The following ZNF445 variants were observed in gnomAD, a reference collection of about 807,000 sequenced individuals.
ZNF445 encodes the protein zinc finger protein 168.
A neutral mutation model predicts 93.9 loss-of-function variants in ZNF445; 19 were observed. That is an observed-to-expected ratio of 0.20 (90% CI 0.14 to 0.30). ZNF445 has a LOEUF of 0.30. ZNF445 is among the 10% of genes least tolerant of loss of function. The pLI is 1.00. For missense variants in ZNF445, 1,058 were observed against 1,259.4 expected (o/e 0.84, Z 2.42); for synonymous variants, 449 against 446.3 (o/e 1.01, Z -0.08).
chr3:44,455,845 T>C, intron 2 of ZNF445, 149 bp from the exon 3 acceptor site: 1 of 312,318 alleles, frequency 3.2e-6, no homozygotes, highest in Non-Finnish European at 5.8e-6. Flanking sequence ...TGTCCCCTAT[T>C]GGAGTAAGCT....
At position 44,444,422 on chromosome 3, in the gene ZNF445, T is replaced by C. The variant is rs4610267; in HGVS notation, c.*2153A>G. The C allele has an allele frequency of 0.7, 106,868 of 152,008 alleles. 38,125 individuals carry two copies. Among genetic ancestry groups the C allele is most frequent in the East Asian group, 1 (5,166 of 5,170 alleles). 9.4% of individuals were successfully genotyped at this position (152,008 alleles called of 1,614,324 possible). A position where few individuals can be genotyped will look rare whatever the true frequency, so the allele number is the denominator to read the frequency against. ...CACTCTAACTTCACACATAAGGAAATTGATGCAGAGGTTCATTGACTTGCT... is the reference window on the plus strand; with the variant it reads ...CACTCTAACTTCACACATAAGGAAACTGATGCAGAGGTTCATTGACTTGCT... On this transcript the variant is annotated 3_prime_UTR_variant, in exon 8 of 8. Transcript: ENST00000396077.
intron 1 of ZNF445, among the ~76,000 whole-genome samples, chr3:44,473,117 T>C (rs187000040): frequency 5.3e-5 from 8 of 152,296 alleles, no homozygotes; most frequent in Admixed American, 5.2e-4. Flanking sequence ...ATAGAAGGTA[T>C]ATAAACTGAT....
At position 44,447,605 on chromosome 3, in the gene ZNF445, G is replaced by C. The variant is rs775405102; in HGVS notation, c.2066C>G (p.Thr689Ser). Reference protein sequence around the residue: ...KTFLCQQCGKTFTRKKTLVDH... With the variant: ...KTFLCQQCGKSFTRKKTLVDH... ...AACGAGAGTTTTCTTTCTAGTAAAAGTTTTCCCACACTGCTGACACAGAAA... is the reference window on the plus strand; with the variant it reads ...AACGAGAGTTTTCTTTCTAGTAAAACTTTTCCCACACTGCTGACACAGAAA... The change falls in exon 8 of 8, where the codon ACT becomes AGT. Residue 689 changes from threonine (T) to serine (S), a missense_variant. This residue lies in a region of ZNF445 where 387 missense variants were observed against 475.7 expected (regional missense o/e 0.81). Coordinates refer to ENST00000396077, the MANE Select transcript of ZNF445 (RefSeq NM_181489.6). The surrounding 1 kb of genome is among the most constrained non-coding windows in gnomAD (Gnocchi z 4.7). The C allele has an allele frequency of 3.1e-6, 5 of 1,614,130 alleles. No homozygotes were observed. In the Middle Eastern group the frequency reaches 4.9e-4, roughly 160 times the overall value.
At chr3:44,451,150 A>G (rs1240209714) in intron 4 of ZNF445, among the ~76,000 whole-genome samples, 164 bp downstream of exon 4, 1 of 152,058 alleles carries the variant, frequency 6.6e-6, no homozygotes, top group Non-Finnish European at 1.5e-5. Flanking sequence ...GTAATGGGGG[A>G]GGAGCAAGCC....
Position 44,440,315 on chromosome 3 carries a change from A to G in ZNF445, c.*6260T>C, listed in dbSNP as rs1559386881. On this transcript the variant is annotated 3_prime_UTR_variant, in exon 8 of 8. Coordinates refer to ENST00000396077, the MANE Select transcript of ZNF445 (RefSeq NM_181489.6). ...ACAAGTATTTACTCTCCTTTTCCTC[A>G]TCTAATAAAGTAGAATGAAAAACAT... The G allele has an allele frequency of 2.6e-5, 4 of 152,194 alleles. No individual in the cohort carries two copies. The highest frequency in any genetic ancestry group is 9.7e-5 in the African/African-American group (4 of 41,444). The allele number at this position is 152,194 out of a possible 1,614,324, so 9.4% of individuals were successfully genotyped here.
In ZNF445 at chr3:44,435,874, T is replaced by C. The variant is rs900577620; in HGVS notation, c.*10701A>G. ...TTACTCTGAGGAACCATGGTGGCAT[T>C]TTGAGTCTCCTGTAATTACTGCTAG... On this transcript the variant is annotated 3_prime_UTR_variant, in exon 8 of 8. Transcript: ENST00000396077. 4.6e-5 allele frequency: 7 copies of C among 152,150 alleles called. No homozygotes were observed. Among genetic ancestry groups the C allele is most frequent in the African/African-American group, 1.7e-4 (7 of 41,428 alleles). 9.4% of individuals were successfully genotyped at this position (152,150 alleles called of 1,614,324 possible). A position where few individuals can be genotyped will look rare whatever the true frequency, so the allele number is the denominator to read the frequency against.
chr3:44,433,322 C>G lies in ZNF445; in HGVS notation c.*13253G>C, dbSNP rs1164037054. The G allele has an allele frequency of 6.6e-6, 1 of 152,162 alleles. No individual in the cohort carries two copies. Among genetic ancestry groups the G allele is most frequent in the Non-Finnish European group, 1.5e-5 (1 of 68,066 alleles). 9.4% of individuals were successfully genotyped at this position (152,162 alleles called of 1,614,324 possible). On this transcript the variant is annotated 3_prime_UTR_variant, in exon 8 of 8. Transcript: ENST00000396077. ...AGAGACAGGGAGTTCAGACTGGTCT[C>G]GAACTCCCGTTCTCAGGTGATCTGC...
In ZNF445 at chr3:44,443,641, A is replaced by G. The variant is rs1697840132; in HGVS notation, c.*2934T>C. 6.6e-6 allele frequency: 1 copy of G among 152,160 alleles called. No homozygotes were observed. Among genetic ancestry groups the G allele is most frequent in the African/African-American group, 2.4e-5 (1 of 41,408 alleles). 9.4% of individuals were successfully genotyped at this position (152,160 alleles called of 1,614,324 possible). On this transcript the variant is annotated 3_prime_UTR_variant, in exon 8 of 8. Coordinates refer to ENST00000396077, the MANE Select transcript of ZNF445 (RefSeq NM_181489.6). ...CGTGGTGGCAGGCACTTGTAGTCCC[A>G]GCTACTGAGGAGGCTGAGGCAGGAG...
chr3:44,460,340 T>C (rs1698093910), intron 1 of ZNF445, among the ~76,000 whole-genome samples: 1 of 152,222 alleles, frequency 6.6e-6, no homozygotes, highest in Non-Finnish European at 1.5e-5. Context: ...TTAACAACCC[T>C]TTCCCAAAGC....
intron 3 of ZNF445, among the ~76,000 whole-genome samples, chr3:44,452,473 T>G (rs938309480): frequency 2.6e-5 from 4 of 152,222 alleles, no homozygotes; most frequent in Non-Finnish European, 5.9e-5. Flanking sequence ...ATTCTGTGAC[T>G]TTACATATAT....
intron 1 of ZNF445, among the ~76,000 whole-genome samples, chr3:44,464,094 G>A (rs966210176): frequency 6.6e-6 from 1 of 151,970 alleles, no homozygotes; most frequent in Non-Finnish European, 1.5e-5. Context: ...CCATTGCACT[G>A]CAGCTTGGAT....
chr3:44,463,001 ATTTT>A (rs916508084), intron 1 of ZNF445, among the ~76,000 whole-genome samples: 2 of 133,706 alleles, frequency 1.5e-5, no homozygotes, highest in South Asian at 2.6e-4. Flanking sequence ...CAACTGAATT[ATTTT>A]TTTCTTTGTG....
intron 1 of ZNF445, among the ~76,000 whole-genome samples, chr3:44,471,867 A>AC (rs1321210041): frequency 6.6e-6 from 1 of 152,022 alleles, no homozygotes; most frequent in Non-Finnish European, 1.5e-5. Context: ...AAGGAAAAAA[A>AC]AAAGGGAAAA....
Position 44,455,623 on chromosome 3 carries a change from C to T in ZNF445, c.-74G>A, listed in dbSNP as rs188095983. On this transcript the variant is annotated 5_prime_UTR_variant, in exon 3 of 8. Transcript: ENST00000396077. Reference sequence around the variant, plus strand: ...AGACGTGGGTCCTCAGAAGTATCTTCTCAGCAGTCAACAATGCCAACATTT... The same window carrying T: ...AGACGTGGGTCCTCAGAAGTATCTTTTCAGCAGTCAACAATGCCAACATTT... 49 of 1,407,952 alleles carry T rather than the reference C, an allele frequency of 3.5e-5. No homozygotes were observed. The Admixed American group carries it at 1.1e-3, about 33-fold the overall frequency. 87.2% of individuals were successfully genotyped at this position (1,407,952 alleles called of 1,614,324 possible). A position where few individuals can be genotyped will look rare whatever the true frequency, so the allele number is the denominator to read the frequency against.
chr3:44,465,045 C>T lies in ZNF445; in HGVS notation c.-268-6681G>A, dbSNP rs146578667. Among the ~76,000 whole-genome samples the T allele has an allele frequency of 5.2e-3, 682 of 131,686 alleles. 7 individuals carry two copies. The highest frequency in any genetic ancestry group is 0.019 in the African/African-American group (645 of 34,614). 86.4% of individuals were successfully genotyped at this position (131,686 alleles called of 152,430 possible). A position where few individuals can be genotyped will look rare whatever the true frequency, so the allele number is the denominator to read the frequency against. ...TCACACCACTGCATTCCAGCCTGGG[C>T]GACAGAGTGAGACTCCGCCTAAAAA... On this transcript the variant is annotated intron_variant, in intron 1 of 7. Transcript: ENST00000396077.
At chr3:44,475,764 T>C (rs1171914852) in intron 1 of ZNF445, among the ~76,000 whole-genome samples, 3 of 152,068 alleles carry the variant, frequency 2.0e-5, no homozygotes, top group African/African-American at 7.2e-5. Flanking sequence ...TTTGGGAGGC[T>C]GAGGCAGGCA....
At chr3:44,476,717 C>A (rs1407145095) in intron 1 of ZNF445, among the ~76,000 whole-genome samples, 2 of 152,206 alleles carry the variant, frequency 1.3e-5, no homozygotes, top group Non-Finnish European at 2.9e-5. Context: ...ACAATCGCTG[C>A]AGGTTAGAGC....
rs1044252833 is a variant in ZNF445 at position 44,441,287 on chromosome 3, A to G, written c.*5288T>C. The G allele has an allele frequency of 2.0e-5, 3 of 152,232 alleles. No individual in the cohort carries two copies. The highest frequency in any genetic ancestry group is 2.9e-5 in the Non-Finnish European group (2 of 68,042). 9.4% of individuals were successfully genotyped at this position (152,232 alleles called of 1,614,324 possible). ...CATGCTAATGCATTATAATTACAGT[A>G]TAATTACAGCAGTGAGGACAACCAG... On this transcript the variant is annotated 3_prime_UTR_variant, in exon 8 of 8. Transcript: ENST00000396077.
chr3:44,455,116 C>T lies in ZNF445; in HGVS notation c.429+5G>A, dbSNP rs1245454814. On this transcript the variant is annotated splice_donor_5th_base_variant and intron_variant, in intron 3 of 7. Coordinates refer to ENST00000396077, the MANE Select transcript of ZNF445 (RefSeq NM_181489.6). ...CCTGGGCACCACACACTTGCTCACACTCACCCTCCAGGATGTCCCATCAAG... is the reference window on the plus strand; with the variant it reads ...CCTGGGCACCACACACTTGCTCACATTCACCCTCCAGGATGTCCCATCAAG... 3 of 1,613,980 alleles carry T rather than the reference C, an allele frequency of 1.9e-6. No individual in the cohort carries two copies. The highest frequency in any genetic ancestry group is 2.7e-5 in the African/African-American group (2 of 74,914).
Sources: allele counts gnomAD v4.1 joint callset (sites outside exome capture counted in the v4.1 genomes callset), GRCh38; gene constraint gnomAD v4.1.1; regional missense constraint gnomAD v4.1.1; non-coding constraint Gnocchi (gnomAD v3.1); transcripts MANE v1.5; gene names NCBI Gene and HGNC (gene_info 2026-07-23, HGNC 2026-07-21).